Variants in ETV7 observed in about 807,000 individuals in gnomAD.
ETV7 encodes the protein transcription factor ETV7.
In ETV7, 43 loss-of-function variants were observed where a neutral mutation model predicts 39.1. That is an observed-to-expected ratio of 1.10 (90% confidence interval 0.86 to 1.42). ETV7 has a LOEUF of 1.42. ETV7 is among the 40% of genes most tolerant of loss of function. The pLI, the probability that ETV7 is intolerant of heterozygous loss-of-function variation, is 0.00. For synonymous variants in ETV7, 196 were observed against 176.6 expected (o/e 1.11, Z -0.87); for missense variants, 432 against 442.3 (o/e 0.98, Z 0.21).
chr6:36,359,834 G>T (rs1772439109), intron 7 of ETV7, among the ~76,000 whole-genome samples: 1 of 152,142 alleles, frequency 6.6e-6, no homozygotes, highest in Admixed American at 6.5e-5. Context: ...TTTTACAAAA[G>T]TAGAAAGTGA....
intron 6 of ETV7, among the ~76,000 whole-genome samples, chr6:36,368,556 A>G (rs559540907): frequency 1.4e-4 from 22 of 152,170 alleles, no homozygotes; most frequent in Non-Finnish European, 5.9e-5. Context: ...AGGCCTTTCC[A>G]GCCCTGACAT....
downstream of ETV7, among the ~76,000 whole-genome samples, chr6:36,361,293 C>G (rs956621280): frequency 6.6e-6 from 1 of 152,206 alleles, no homozygotes; most frequent in Non-Finnish European, 1.5e-5. Flanking sequence ...GCCCTGACAC[C>G]GGCATTCAAC....
chr6:36,376,144 CCAT>C (rs1367663236), intron 2 of ETV7, 109 bp from the exon 3 acceptor site: 15 of 979,696 alleles, frequency 1.5e-5, no homozygotes, highest in Non-Finnish European at 2.1e-5. Context: ...CCCCCAACCC[CCAT>C]CATCTTCTGT....
chr6:36,359,451 CA>C (rs201987326), intron 7 of ETV7, among the ~76,000 whole-genome samples: 52 of 118,002 alleles, frequency 4.4e-4, no homozygotes, highest in Admixed American at 1.3e-3. Flanking sequence ...AACTCAGTCT[CA>C]AAAAAAAAAA....
downstream of ETV7, among the ~76,000 whole-genome samples, chr6:36,364,794 C>T (rs972679902): frequency 6.6e-6 from 1 of 152,250 alleles, no homozygotes; most frequent in Non-Finnish European, 1.5e-5. Context: ...TGTCATCTCT[C>T]AATAAGAGAG....
intron 2 of ETV7, among the ~76,000 whole-genome samples, chr6:36,380,165 C>G (rs1773582796): frequency 6.6e-6 from 1 of 152,172 alleles, no homozygotes; most frequent in Non-Finnish European, 1.5e-5. Context: ...GGTCCAACAC[C>G]TGGTGGGTAT....
chr6:36,355,823 G>A (rs1772321653), intron 7 of ETV7, among the ~76,000 whole-genome samples: 1 of 152,144 alleles, frequency 6.6e-6, no homozygotes, highest in Non-Finnish European at 1.5e-5. Flanking sequence ...ATTGATCCTG[G>A]GAATATTTGA....
intron 2 of ETV7, among the ~76,000 whole-genome samples, chr6:36,379,968 G>T (rs969737839): frequency 6.6e-6 from 1 of 151,914 alleles, no homozygotes; most frequent in African/African-American, 2.4e-5. Flanking sequence ...CTAAATGACA[G>T]TACCTCAGTT....
chr6:36,380,527 G>A (rs1773600157), intron 2 of ETV7, among the ~76,000 whole-genome samples: 1 of 152,156 alleles, frequency 6.6e-6, no homozygotes, highest in Non-Finnish European at 1.5e-5. Flanking sequence ...ACAATTGGAG[G>A]GCTCAGGTGT....
chr6:36,362,871 C>T (rs1310029414), downstream of ETV7, among the ~76,000 whole-genome samples: 3 of 152,136 alleles, frequency 2.0e-5, no homozygotes, highest in African/African-American at 7.2e-5. Context: ...ATCCATCAAC[C>T]CACCAGCAGG....
intron 2 of ETV7, among the ~76,000 whole-genome samples, chr6:36,384,057 CT>C (rs1773779097): frequency 6.6e-6 from 1 of 152,224 alleles, no homozygotes; most frequent in Non-Finnish European, 1.5e-5. Context: ...GGATAATCCC[CT>C]TACCCACTGG....
rs1183953801 is a variant in ETV7, at chr6:36,385,684, A to G, written c.7-15T>C. ...AATTCTCCCTCCTAGAGAGAGAAAA[A>G]CCAGGACAGTCAAAGAAGAGCATCT... is the stretch of plus-strand genomic sequence containing the variant. On this transcript the variant is annotated splice_polypyrimidine_tract_variant and intron_variant, in intron 1 of 7. Coordinates refer to ENST00000340181, the MANE Select transcript of ETV7 (RefSeq NM_016135.4). 1.9e-6 allele frequency: 3 copies of G among 1,586,730 alleles called. No individual in the cohort carries two copies. The Admixed American group carries it at 5.7e-5, about 30-fold the overall frequency.
At chr6:36,359,457 A>AC (rs1297411511) in intron 7 of ETV7, among the ~76,000 whole-genome samples, 1 of 150,430 alleles carries the variant, frequency 6.6e-6, no homozygotes, top group African/African-American at 2.5e-5. Flanking sequence ...GTCTCAAAAA[A>AC]AAAAAGAAAA....
Position 36,375,956 on chromosome 6 carries a change from G to A in ETV7, c.222C>T (p.Cys74=), listed in dbSNP as rs1384776075. The change falls in exon 3 of 8, where the codon TGC becomes TGT. Residue 74 remains cysteine, a synonymous_variant. Coordinates refer to ENST00000340181, the MANE Select transcript of ETV7 (RefSeq NM_016135.4). ...TCATCTCGAACCCGTGCTCCGCGGT[G>A]CATGGCAGAGAGTACTCCTGCTCTG... ...RWAEQEYSLP[C]TAEHGFEMNG... is the part of the protein sequence containing the mutation. 1 of 1,613,452 alleles carries A rather than the reference G, an allele frequency of 6.2e-7. No individual in the cohort carries two copies. The highest frequency in any genetic ancestry group is 8.5e-7 in the Non-Finnish European group (1 of 1,180,034).
At chr6:36,365,355 A>G (rs1176291315), downstream of ETV7, among the ~76,000 whole-genome samples, 1 of 152,226 alleles carries the variant, frequency 6.6e-6, no homozygotes, top group Non-Finnish European at 1.5e-5. Flanking sequence ...CTTCTCAGCT[A>G]ACACAGGTGA....
downstream of ETV7, among the ~76,000 whole-genome samples, chr6:36,363,232 G>T (rs1048688867): frequency 6.6e-6 from 1 of 152,236 alleles, no homozygotes; most frequent in Admixed American, 6.5e-5. Context: ...GGCGCATCTG[G>T]AGTTTGTTCT....
intron 7 of ETV7, among the ~76,000 whole-genome samples, chr6:36,359,009 G>T (rs975747178): frequency 5.3e-5 from 8 of 152,306 alleles, no homozygotes; most frequent in Non-Finnish European, 1.0e-4. Flanking sequence ...AAAGGAAGAG[G>T]ATGGGAGAGG....
chr6:36,379,147 C>T (rs1370870016), intron 2 of ETV7, among the ~76,000 whole-genome samples: 2 of 152,216 alleles, frequency 1.3e-5, no homozygotes, highest in African/African-American at 4.8e-5. Context: ...AGGGCTTCCG[C>T]GGCTAGGGTG....
chr6:36,365,807 A>G (rs6457903), downstream of ETV7, among the ~76,000 whole-genome samples: 134,455 of 152,144 alleles, frequency 0.88, 59,685 homozygotes, highest in African/African-American at 0.97. Context: ...TCACGCCTGA[A>G]TGCCGAGTGA....
Sources: gnomAD v4.1 joint callset for allele counts (sites outside exome capture counted in the v4.1 genomes callset) on GRCh38, gnomAD v4.1.1 for gene constraint, MANE v1.5 for transcripts, NCBI Gene and HGNC (gene_info 2026-07-23, HGNC 2026-07-21) for gene names.